GSTT4: variants seen among roughly 807,000 people sequenced by gnomAD.
The protein encoded by GSTT4 is glutathione S-transferase theta-4.
At chr22:24,003,140 C>CT (rs1032425765) in intron 2 of GSTT4, among the ~76,000 whole-genome samples, 15 of 140,402 alleles carry the variant, frequency 1.1e-4, no homozygotes, top group East Asian at 8.2e-4. Flanking sequence ...CAGCCTGTTG[C>CT]TTTTTTTTTG....
chr22:23,999,532 A>G (rs1166294982), intron 4 of GSTT4, among the ~76,000 whole-genome samples: 1 of 111,544 alleles, frequency 9.0e-6, no homozygotes, highest in Non-Finnish European at 1.8e-5. Flanking sequence ...GCCAGTTGAG[A>G]CCCTGGCCAG....
At chr22:24,003,242 C>T (rs932045800) in intron 2 of GSTT4, among the ~76,000 whole-genome samples, 6 of 152,154 alleles carry the variant, frequency 3.9e-5, no homozygotes, top group Admixed American at 3.9e-4. Context: ...GATGGGATCT[C>T]ACTCTGTTGC....
chr22:24,001,295 C>A lies in GSTT4; in HGVS notation c.231G>T (p.Lys77Asn), dbSNP rs1394336207. The change falls in exon 3 of 5, where the codon AAG (lysine) becomes AAT (asparagine). Residue 77 changes from lysine (K) to asparagine (N), a missense_variant. Lys to Asn is a moderately conservative substitution (Grantham distance 94, BLOSUM62 0). Coordinates refer to ENST00000621179, the MANE Select transcript of GSTT4 (RefSeq NM_001358664.2). ...SAAILYYLCR[K>N]YSAPSHWCPP... ...GGCACCAGTGCGATGGTGCGCTGTA[C>A]TTGCGGCACAGGTAGTAAAGGATGG... The A allele has an allele frequency of 1.3e-5, 2 of 153,184 alleles. No homozygotes were observed. Among genetic ancestry groups the A allele is most frequent in the African/African-American group, 4.8e-5 (2 of 41,436 alleles). 9.5% of individuals were successfully genotyped at this position (153,184 alleles called of 1,614,324 possible). A position where few individuals can be genotyped will look rare whatever the true frequency, so the allele number is the denominator to read the frequency against.
the GSTT4 span, among the ~76,000 whole-genome samples, chr22:23,989,755 G>A: frequency 6.6e-6 from 1 of 150,456 alleles, no homozygotes; most frequent in Non-Finnish European, 1.5e-5. Flanking sequence ...GGGTTCCCAG[G>A]TCTGACTCAC....
chr22:24,002,062 G>A (rs1324335805), intron 2 of GSTT4, among the ~76,000 whole-genome samples: 4 of 152,286 alleles, frequency 2.6e-5, no homozygotes, highest in Non-Finnish European at 4.4e-5. Flanking sequence ...GAAGAAAAGA[G>A]AGTAGGGGGT....
At chr22:23,995,808 G>C (rs560472262), downstream of GSTT4, among the ~76,000 whole-genome samples, 15 of 152,098 alleles carry the variant, frequency 9.9e-5, no homozygotes, top group South Asian at 2.1e-4. Context: ...GCTTTTCTTT[G>C]GTTAAATTTA....
chr22:23,994,463 T>C (rs1432191550), downstream of GSTT4, among the ~76,000 whole-genome samples: 3 of 151,372 alleles, frequency 2.0e-5, no homozygotes, highest in Non-Finnish European at 4.4e-5. Context: ...TTTCTACCTC[T>C]GTGGATAGGA....
the GSTT4 span, among the ~76,000 whole-genome samples, chr22:23,992,856 C>T: frequency 2.0e-5 from 3 of 147,360 alleles, no homozygotes; most frequent in African/African-American, 7.5e-5. Flanking sequence ...TAGCTTACTG[C>T]AGCCTCGACC....
At chr22:24,002,481 A>C (rs920871983) in intron 2 of GSTT4, among the ~76,000 whole-genome samples, 9 of 152,382 alleles carry the variant, frequency 5.9e-5, no homozygotes, top group South Asian at 2.1e-4. Flanking sequence ...AGGTCAGGGC[A>C]TGGAGAGAGC....
chr22:23,999,298 TG>T (rs1261107392), intron 4 of GSTT4, among the ~76,000 whole-genome samples: 1 of 151,876 alleles, frequency 6.6e-6, no homozygotes, highest in African/African-American at 2.4e-5. Context: ...GCTGAACCCT[TG>T]GGGCAGGCCA....
At chr22:23,997,067 G>T (rs925475163), downstream of GSTT4, among the ~76,000 whole-genome samples, 4 of 151,962 alleles carry the variant, frequency 2.6e-5, no homozygotes, top group Admixed American at 1.3e-4. Context: ...TTGGTAGATT[G>T]TGTGTTTCTA....
At chr22:23,998,368 T>C (rs901416968), downstream of GSTT4, 1 of 152,316 alleles carries the variant, frequency 6.6e-6, no homozygotes, top group Non-Finnish European at 1.5e-5. Flanking sequence ...TCAGACCCTA[T>C]GCATATGCCA....
In GSTT4 at chr22:24,001,212, G is replaced by T. The variant is rs2034222419; in HGVS notation, c.314C>A (p.Ala105Asp). Residue 105 changes from alanine (A) to aspartate (D), a missense_variant, in exon 3 of 5, where the codon GCC becomes GAC. Ala to Asp is a moderately radical substitution (Grantham distance 126). Coordinates refer to ENST00000621179, the MANE Select transcript of GSTT4 (RefSeq NM_001358664.2). ...VDEFVAWQHTAFQLPMKKIVW... is the reference protein window; with the variant it reads ...VDEFVAWQHTDFQLPMKKIVW... ...TATCTTCTTCATGGGCAGCTGAAAG[G>T]CCGTGTGTTGCCAAGCCACGAACTC... 6.7e-6 allele frequency: 1 copy of T among 149,754 alleles called. No homozygotes were observed. The highest frequency in any genetic ancestry group is 1.5e-5 in the Non-Finnish European group (1 of 67,420). 9.3% of individuals were successfully genotyped at this position (149,754 alleles called of 1,614,324 possible). A position where few individuals can be genotyped will look rare whatever the true frequency, so the allele number is the denominator to read the frequency against.
At chr22:24,003,082 G>T (rs1036606426) in intron 2 of GSTT4, among the ~76,000 whole-genome samples, 1 of 152,202 alleles carries the variant, frequency 6.6e-6, no homozygotes, top group East Asian at 1.9e-4. Context: ...CGATCCTCCC[G>T]TGTCAGCCTC....
rs2034332183 is a variant in GSTT4 at position 24,005,347 on chromosome 22, C to T, written c.10G>A (p.Glu4Lys). 1 of 153,638 alleles carries T rather than the reference C, an allele frequency of 6.5e-6. No homozygotes were observed. The highest frequency in any genetic ancestry group is 1.5e-5 in the Non-Finnish European group (1 of 68,790). The allele number at this position is 153,638 out of a possible 1,614,324, so 9.5% of individuals were successfully genotyped here. Reference sequence around the variant, plus strand: ...GCTGACAGCAGGTCCATGTAGAGCTCCAGTGCCATGTTGAGACACATGCCA... The same window carrying T: ...GCTGACAGCAGGTCCATGTAGAGCTTCAGTGCCATGTTGAGACACATGCCA... MAL[E>K]LYMDLLSAPC... The change falls in exon 1 of 5, where the codon GAG becomes AAG. Residue 4 changes from glutamate to lysine, a missense_variant. Coordinates refer to ENST00000621179, the MANE Select transcript of GSTT4 (RefSeq NM_001358664.2).
chr22:23,997,660 A>G (rs1601571073), downstream of GSTT4, among the ~76,000 whole-genome samples: 2 of 151,906 alleles, frequency 1.3e-5, no homozygotes, highest in East Asian at 1.9e-4. Flanking sequence ...TCTATTTTCT[A>G]TTTCATTTAT....
downstream of GSTT4, among the ~76,000 whole-genome samples, chr22:23,993,872 G>A (rs1326097205): frequency 6.6e-6 from 1 of 152,150 alleles, no homozygotes; most frequent in Non-Finnish European, 1.5e-5. Flanking sequence ...TCTGATACCT[G>A]GGCCATCGTC....
the GSTT4 span, among the ~76,000 whole-genome samples, chr22:23,992,871 C>A: frequency 2.2e-4 from 33 of 151,494 alleles, no homozygotes; most frequent in Non-Finnish European, 2.9e-4. Context: ...TCGACCTGGG[C>A]TCAAACAATC....
chr22:23,993,414 G>A (rs1019897157), downstream of GSTT4, among the ~76,000 whole-genome samples: 1 of 152,174 alleles, frequency 6.6e-6, no homozygotes, highest in Non-Finnish European at 1.5e-5. Flanking sequence ...CTGGGAGCTT[G>A]TTAGAAATAT....
Sources: gnomAD v4.1 joint callset for allele counts (sites outside exome capture counted in the v4.1 genomes callset) on GRCh38, gnomAD v4.1.1 for gene constraint, MANE v1.5 for transcripts, NCBI Gene and HGNC (gene_info 2026-07-23, HGNC 2026-07-21) for gene names.